Variants in ARHGAP15 observed in about 807,000 individuals in gnomAD.
The protein encoded by ARHGAP15 is rho GTPase-activating protein 15.
ARHGAP15 carries 51 observed loss-of-function variants against 63.7 expected under a neutral mutation model. The ratio of observed to expected loss-of-function variants is 0.80; its 90% CI spans 0.64 to 1.01. The LOEUF is 1.01. Among genes scored for constraint, ARHGAP15 ranks in the 50% least tolerant of loss-of-function variants. The pLI, the probability that ARHGAP15 is intolerant of heterozygous loss-of-function variation, is 0.00. For missense variants in ARHGAP15, 560 were observed against 564.6 expected (o/e 0.99, Z 0.08); for synonymous variants, 191 against 193.8 (o/e 0.99, Z 0.12).
At chr2:143,279,431 A>C (rs1288217682) in intron 6 of ARHGAP15, among the ~76,000 whole-genome samples, 1 of 152,142 alleles carries the variant, frequency 6.6e-6, no homozygotes, top group African/African-American at 2.4e-5. Flanking sequence ...ATTTGTAAAA[A>C]CAAGCCATGA....
chr2:143,606,381 C>T lies in ARHGAP15; in HGVS notation c.1004-17752C>T, dbSNP rs1306201692. 3.3e-5 allele frequency among the ~76,000 whole-genome samples: 5 copies of T among 152,202 alleles called. No homozygotes were observed. In the South Asian group the frequency reaches 6.2e-4, roughly 19 times the overall value. ...TTGTTGTGATTCTTAAGTGGGATAG[C>T]GAATGTGAGTGCTTTGTTATCTGTA... On this transcript the variant is annotated intron_variant, in intron 11 of 13. Coordinates refer to ENST00000295095, the MANE Select transcript of ARHGAP15 (RefSeq NM_018460.4).
chr2:143,223,318 A>G (rs997662806), intron 4 of ARHGAP15, among the ~76,000 whole-genome samples: 2 of 152,134 alleles, frequency 1.3e-5, no homozygotes, highest in East Asian at 3.9e-4. Flanking sequence ...CCTGCATGGA[A>G]TCACTAGGAT....
At chr2:143,279,526 G>A (rs945461900) in intron 6 of ARHGAP15, among the ~76,000 whole-genome samples, 1 of 152,066 alleles carries the variant, frequency 6.6e-6, no homozygotes, top group Non-Finnish European at 1.5e-5. Context: ...GGACATAGAA[G>A]ACAAATTGAT....
At chr2:143,313,819 T>G (rs1683561124) in intron 6 of ARHGAP15, among the ~76,000 whole-genome samples, 1 of 152,166 alleles carries the variant, frequency 6.6e-6, no homozygotes, top group Non-Finnish European at 1.5e-5. Flanking sequence ...AGTACCCAGA[T>G]AGCAGAGTTC....
intron 4 of ARHGAP15, among the ~76,000 whole-genome samples, chr2:143,224,269 A>G (rs1255321644): frequency 6.6e-6 from 1 of 152,212 alleles, no homozygotes; most frequent in Non-Finnish European, 1.5e-5. Context: ...CTTAATAACT[A>G]CTAGGAAACT....
intron 10 of ARHGAP15, among the ~76,000 whole-genome samples, chr2:143,521,507 A>C (rs1054160622): frequency 2.0e-5 from 3 of 152,176 alleles, no homozygotes; most frequent in African/African-American, 7.2e-5. Flanking sequence ...GCTTCTGATG[A>C]CATTTTATGC....
intron 11 of ARHGAP15, among the ~76,000 whole-genome samples, chr2:143,618,620 A>G (rs1489212222): frequency 6.6e-6 from 1 of 152,238 alleles, no homozygotes; most frequent in Non-Finnish European, 1.5e-5. Flanking sequence ...ATTACAAGGT[A>G]AAGAAGCACT....
intron 5 of ARHGAP15, among the ~76,000 whole-genome samples, chr2:143,230,928 G>C (rs995437471): frequency 2.0e-5 from 3 of 152,198 alleles, no homozygotes; most frequent in African/African-American, 4.8e-5. Context: ...AGCTGCCTGA[G>C]TGAGTGCAGA....
chr2:143,722,319 T>C (rs1289386917), intron 13 of ARHGAP15, among the ~76,000 whole-genome samples: 1 of 152,140 alleles, frequency 6.6e-6, no homozygotes, highest in Non-Finnish European at 1.5e-5. Context: ...TTTATCCTAA[T>C]ATATACCTCA....
intron 11 of ARHGAP15, among the ~76,000 whole-genome samples, chr2:143,582,124 A>G (rs1696930559): frequency 6.6e-6 from 1 of 152,130 alleles, no homozygotes; most frequent in African/African-American, 2.4e-5. Flanking sequence ...AAACCCCCAT[A>G]CCTTGCCTCT....
intron 9 of ARHGAP15, among the ~76,000 whole-genome samples, chr2:143,505,666 T>A (rs1377261606): frequency 1.3e-5 from 2 of 152,224 alleles, no homozygotes; most frequent in Admixed American, 1.3e-4. Flanking sequence ...GAGTAGAGGT[T>A]ACATCACACC....
At chr2:143,316,825 C>T (rs1683742025) in intron 6 of ARHGAP15, among the ~76,000 whole-genome samples, 1 of 152,014 alleles carries the variant, frequency 6.6e-6, no homozygotes, top group South Asian at 2.1e-4. Context: ...TAAATCACTT[C>T]CTAACTCAGT....
intron 6 of ARHGAP15, among the ~76,000 whole-genome samples, chr2:143,341,748 C>T (rs1163670982): frequency 6.6e-6 from 1 of 152,068 alleles, no homozygotes; most frequent in Non-Finnish European, 1.5e-5. Flanking sequence ...AGACATAGTA[C>T]ATATTGGTTT....
rs1390264124 is a variant in ARHGAP15, at chr2:143,267,329, T to C, written c.474+16729T>C. Among the ~76,000 whole-genome samples the C allele has an allele frequency of 3.3e-5, 5 of 152,198 alleles. No individual in the cohort carries two copies. In the East Asian group the frequency reaches 9.6e-4, roughly 29 times the overall value. ...TAATTTATTGAGTACTTGTAATTGA[T>C]GGTAACATAATGACTGATTTAAAAG... On this transcript the variant is annotated intron_variant, in intron 6 of 13. Coordinates refer to ENST00000295095, the MANE Select transcript of ARHGAP15 (RefSeq NM_018460.4).
intron 12 of ARHGAP15, among the ~76,000 whole-genome samples, chr2:143,686,673 T>G (rs1328850028): frequency 6.6e-6 from 1 of 152,152 alleles, no homozygotes; most frequent in Non-Finnish European, 1.5e-5. Flanking sequence ...TCAAATCACT[T>G]TTAATCACAG....
chr2:143,518,093 T>A (rs1300885479), intron 9 of ARHGAP15, among the ~76,000 whole-genome samples: 5 of 152,180 alleles, frequency 3.3e-5, no homozygotes, highest in Non-Finnish European at 1.5e-5. Flanking sequence ...CAGAAATTGA[T>A]GGTGGTGAGG....
At position 143,481,270 on chromosome 2, in the gene ARHGAP15, CA is replaced by C. The variant is rs1692068730; in HGVS notation, c.704-6101del. ...TATCTACCTACACTGATGTTGATCT[CA>C]ATGTCAAACCTCACCGATAAAGTGA... On this transcript the variant is annotated intron_variant, in intron 8 of 13. Coordinates refer to ENST00000295095, the MANE Select transcript of ARHGAP15 (RefSeq NM_018460.4). 2.0e-5 allele frequency among the ~76,000 whole-genome samples: 3 copies of C among 152,148 alleles called. No homozygotes were observed. In the South Asian group the frequency reaches 6.2e-4, roughly 32 times the overall value.
intron 12 of ARHGAP15, among the ~76,000 whole-genome samples, chr2:143,627,767 T>C (rs1698893912): frequency 6.6e-6 from 1 of 152,112 alleles, no homozygotes; most frequent in African/African-American, 2.4e-5. Context: ...TTTTATTCTC[T>C]GTACCATAGG....
intron 8 of ARHGAP15, among the ~76,000 whole-genome samples, chr2:143,443,364 A>G (rs1279313468): frequency 1.3e-5 from 2 of 152,084 alleles, no homozygotes; most frequent in Admixed American, 1.3e-4. Context: ...ATTTTTGTAG[A>G]ATATCATGGG....
Sources: gnomAD v4.1 joint callset for allele counts (sites outside exome capture counted in the v4.1 genomes callset) on GRCh38, gnomAD v4.1.1 for gene constraint, MANE v1.5 for transcripts, NCBI Gene and HGNC (gene_info 2026-07-23, HGNC 2026-07-21) for gene names.